Variants in ALDH1A2 observed in about 807,000 individuals in gnomAD.
The protein encoded by ALDH1A2 is aldehyde dehydrogenase 1 family member A2, also known as retinal dehydrogenase 2.
A neutral mutation model predicts 60.3 loss-of-function variants in ALDH1A2; 27 were observed. The observed-to-expected ratio is 0.45, with a 90% CI of 0.33 to 0.62. The LOEUF is 0.62. Among genes scored for constraint, ALDH1A2 ranks in the 20% least tolerant of loss-of-function variants. The pLI is 0.02. For missense variants in ALDH1A2, 581 were observed against 643.8 expected (o/e 0.90, Z 1.06); for synonymous variants, 289 against 232.4 (o/e 1.24, Z -2.21).
At chr15:58,060,951 T>C (rs1406390360) in intron 1 of ALDH1A2, among the ~76,000 whole-genome samples, 15 of 152,238 alleles carry the variant, frequency 9.9e-5, no homozygotes, top group Admixed American at 5.9e-4. Context: ...TTGTGCTTCA[T>C]TGATGCAACA....
At chr15:58,044,028 C>T (rs1318157767) in intron 1 of ALDH1A2, among the ~76,000 whole-genome samples, 1 of 151,966 alleles carries the variant, frequency 6.6e-6, no homozygotes, top group Non-Finnish European at 1.5e-5. Flanking sequence ...AACGAACCCC[C>T]CATATCCTGA....
Position 58,013,980 on chromosome 15 carries a change from C to T in ALDH1A2, c.241G>A (p.Val81Met). 1 of 1,614,122 alleles carries T rather than the reference C, an allele frequency of 6.2e-7. No homozygotes were observed. The highest frequency in any genetic ancestry group is 8.5e-7 in the Non-Finnish European group (1 of 1,180,000). The change falls in exon 3 of 13, where the codon GTG (valine) becomes ATG (methionine). Residue 81 changes from valine (V) to methionine (M), a missense_variant. Around this residue, in one of 2 missense-constraint regions of ALDH1A2, gnomAD observed 206 missense variants for 174.1 expected, o/e 1.18. Coordinates refer to ENST00000249750, the MANE Select transcript of ALDH1A2 (RefSeq NM_003888.4). Reference sequence around the variant, plus strand: ...GAGAAAGCCAGGCGGGCTGCCTGCACTGCTTTGTCTATATCTGCCTGTTAG... The same window carrying T: ...GAGAAAGCCAGGCGGGCTGCCTGCATTGCTTTGTCTATATCTGCCTGTTAG... ...EADKADIDKA[V>M]QAARLAFSLG...
chr15:58,057,680 T>C (rs1475329042), intron 1 of ALDH1A2, among the ~76,000 whole-genome samples: 1 of 152,140 alleles, frequency 6.6e-6, no homozygotes. Flanking sequence ...ATCTCAAACA[T>C]TTAGCATCTT....
intron 7 of ALDH1A2, among the ~76,000 whole-genome samples, chr15:57,969,642 A>G (rs1368745495): frequency 6.6e-6 from 1 of 151,928 alleles, no homozygotes; most frequent in Non-Finnish European, 1.5e-5. Context: ...ACTTGATGAT[A>G]CCAAGTCCTA....
chr15:58,022,602 A>G (rs1456665988), intron 1 of ALDH1A2, among the ~76,000 whole-genome samples: 1 of 152,156 alleles, frequency 6.6e-6, no homozygotes, highest in African/African-American at 2.4e-5. Flanking sequence ...ACACTGAGGC[A>G]CAAAGACAGG....
At chr15:58,036,359 T>C (rs1896377950) in intron 1 of ALDH1A2, among the ~76,000 whole-genome samples, 1 of 151,636 alleles carries the variant, frequency 6.6e-6, no homozygotes, top group South Asian at 2.1e-4. Flanking sequence ...AGATGCATAA[T>C]GACAGAAAGA....
chr15:57,974,614 C>T (rs1254732525), intron 7 of ALDH1A2, among the ~76,000 whole-genome samples: 1 of 151,922 alleles, frequency 6.6e-6, no homozygotes, highest in Admixed American at 6.6e-5. Flanking sequence ...TCTCAACATA[C>T]ACAAAAGTTG....
chr15:58,037,089 A>C (rs1404515631), intron 1 of ALDH1A2, among the ~76,000 whole-genome samples: 3 of 151,698 alleles, frequency 2.0e-5, no homozygotes, highest in African/African-American at 7.3e-5. Context: ...CAAATGATGA[A>C]GGTGCCCCTT....
At chr15:58,027,006 A>T (rs566172481) in intron 1 of ALDH1A2, among the ~76,000 whole-genome samples, 1 of 152,224 alleles carries the variant, frequency 6.6e-6, no homozygotes, top group Non-Finnish European at 1.5e-5. Flanking sequence ...AGACAGGGAC[A>T]GCTCTGAAGA....
At chr15:58,003,955 T>G (rs868697801) in intron 4 of ALDH1A2, among the ~76,000 whole-genome samples, 2 of 151,582 alleles carry the variant, frequency 1.3e-5, no homozygotes, top group African/African-American at 4.9e-5. Context: ...TGGATAGTGT[T>G]GTAAAGGAAA....
In ALDH1A2 at chr15:58,027,261, G is replaced by A. The variant is rs561560006; in HGVS notation, c.118-12980C>T. Among the ~76,000 whole-genome samples, 13 of 152,306 alleles carry A rather than the reference G, an allele frequency of 8.5e-5. No individual in the cohort carries two copies. In the South Asian group the frequency reaches 2.5e-3, roughly 29 times the overall value. On this transcript the variant is annotated intron_variant, in intron 1 of 12. Transcript: ENST00000249750. The stretch of plus-strand genomic sequence containing the variant: ...TGCTGGTGATACCCAGGCAAACAGT[G>A]GACCTACAGCAAACTCCAACAGACC...
At chr15:58,064,018 T>C (rs958764325) in intron 1 of ALDH1A2, among the ~76,000 whole-genome samples, 6 of 152,184 alleles carry the variant, frequency 3.9e-5, no homozygotes, top group Admixed American at 3.9e-4. Flanking sequence ...CTAAAATTTC[T>C]TTCAGAGGCT....
chr15:58,049,558 C>T (rs187254456), intron 1 of ALDH1A2, among the ~76,000 whole-genome samples: 236 of 152,138 alleles, frequency 1.6e-3, no homozygotes, highest in African/African-American at 5.6e-3. Context: ...AGTATTCGTT[C>T]ACTTACTCTC....
chr15:57,964,090 G>A (rs1331485271), intron 8 of ALDH1A2, 21 bp from the exon 9 acceptor site: 1 of 1,613,604 alleles, frequency 6.2e-7, no homozygotes, highest in Non-Finnish European at 8.5e-7. Context: ...AAACAGCCAT[G>A]TTCTCACCGC....
At chr15:58,051,476 T>G (rs1467974743) in intron 1 of ALDH1A2, among the ~76,000 whole-genome samples, 1 of 152,060 alleles carries the variant, frequency 6.6e-6, no homozygotes, top group Non-Finnish European at 1.5e-5. Context: ...AACACAACAT[T>G]AGAAAACTCT....
chr15:58,026,421 G>C (rs193009184), intron 1 of ALDH1A2, among the ~76,000 whole-genome samples: 4 of 152,246 alleles, frequency 2.6e-5, no homozygotes, highest in Admixed American at 2.6e-4. Flanking sequence ...CAAATAGTAA[G>C]AGCTCTGGTC....
At chr15:58,004,976 A>T (rs1209546998) in intron 4 of ALDH1A2, among the ~76,000 whole-genome samples, 1 of 151,732 alleles carries the variant, frequency 6.6e-6, no homozygotes, top group South Asian at 2.1e-4. Context: ...TACAGATTTG[A>T]TGCAATTCCT....
At chr15:57,984,318 C>T (rs1429139939) in intron 7 of ALDH1A2, among the ~76,000 whole-genome samples, 5 of 152,182 alleles carry the variant, frequency 3.3e-5, no homozygotes, top group African/African-American at 9.6e-5. Flanking sequence ...CTATTAATAT[C>T]CAAAATGTAA....
intron 1 of ALDH1A2, among the ~76,000 whole-genome samples, chr15:58,040,179 C>T (rs957898153): frequency 6.6e-6 from 1 of 151,932 alleles, no homozygotes; most frequent in South Asian, 2.1e-4. Context: ...ACCTGCCTGA[C>T]AGAAGCCAAC....
Sources: allele counts gnomAD v4.1 joint callset (sites outside exome capture counted in the v4.1 genomes callset), GRCh38; gene constraint gnomAD v4.1.1; regional missense constraint gnomAD v4.1.1; transcripts MANE v1.5; gene names NCBI Gene and HGNC (gene_info 2026-07-23, HGNC 2026-07-21).